Variants in STXBP6 observed in about 807,000 individuals in gnomAD.
The protein encoded by STXBP6 is syntaxin binding protein 6, also known as syntaxin-binding protein 6.
Under a neutral mutation model 26.9 loss-of-function variants are expected in STXBP6, and 21 were observed. The ratio of observed to expected loss-of-function variants is 0.78; its 90% CI spans 0.55 to 1.12. STXBP6 has a LOEUF of 1.12. Among genes scored for constraint, STXBP6 ranks in the 50% most tolerant of loss-of-function variants. The pLI is 0.00. For missense variants in STXBP6, 232 were observed against 257.9 expected (o/e 0.90, Z 0.69); for synonymous variants, 97 against 92.6 (o/e 1.05, Z -0.27).
intron 4 of STXBP6, among the ~76,000 whole-genome samples, chr14:24,854,592 T>C (rs1366537508): frequency 6.6e-6 from 1 of 152,094 alleles, no homozygotes; most frequent in Non-Finnish European, 1.5e-5. Flanking sequence ...TAATGAAGAA[T>C]GAGGGAAACC....
chr14:25,046,744 G>C (rs1189208362), intron 1 of STXBP6, among the ~76,000 whole-genome samples: 1 of 152,210 alleles, frequency 6.6e-6, no homozygotes, highest in Non-Finnish European at 1.5e-5. Context: ...GGAAGTCATG[G>C]TGAGCTCACA....
At position 24,945,166 on chromosome 14, in the gene STXBP6, T is replaced by TTTTTTTTAA. The variant is rs1491578209; in HGVS notation, c.154+29498_154+29499insTTAAAAAAA. The stretch of plus-strand genomic sequence containing the variant: ...TTTTTTTTTTTTTTTTTTTTTTTTT[T>TTTTTTTTAA]AGCAGATTCCTGACTCCCACTTTCA... On this transcript the variant is annotated intron_variant, in intron 2 of 5. Transcript: ENST00000323944. Among the ~76,000 whole-genome samples, 3 of 143,782 alleles carry TTTTTTTTAA rather than the reference T, an allele frequency of 2.1e-5. 1 individual carries two copies. Among genetic ancestry groups the TTTTTTTTAA allele is most frequent in the Admixed American group, 1.4e-4 (2 of 14,374 alleles). 94.3% of individuals were successfully genotyped at this position (143,782 alleles called of 152,430 possible).
intron 1 of STXBP6, among the ~76,000 whole-genome samples, chr14:24,999,220 A>G (rs1057119758): frequency 1.3e-5 from 2 of 152,134 alleles, no homozygotes; most frequent in African/African-American, 2.4e-5. Context: ...TAATACCCCA[A>G]AAAACCACCC....
intron 4 of STXBP6, among the ~76,000 whole-genome samples, chr14:24,840,793 C>T (rs2139017572): frequency 6.6e-6 from 1 of 151,380 alleles, no homozygotes; most frequent in Admixed American, 6.6e-5. Context: ...GGTGACTATC[C>T]TTTATATTCT....
intron 2 of STXBP6, among the ~76,000 whole-genome samples, chr14:24,936,415 A>G (rs11621849): frequency 0.039 from 6,002 of 152,324 alleles, 190 homozygotes; most frequent in Non-Finnish European, 0.063. Flanking sequence ...GTTTGAAGAA[A>G]GGAGGAGAAA....
chr14:25,039,686 C>T (rs1467285576), intron 1 of STXBP6, among the ~76,000 whole-genome samples: 2 of 151,950 alleles, frequency 1.3e-5, no homozygotes, highest in Admixed American at 1.3e-4. Context: ...CACCCCAGAC[C>T]CAGTGAATCA....
chr14:24,991,906 C>A (rs755645160), intron 1 of STXBP6, among the ~76,000 whole-genome samples: 23 of 152,180 alleles, frequency 1.5e-4, no homozygotes, highest in Non-Finnish European at 2.6e-4. Flanking sequence ...TTGCATGTGG[C>A]AATATGGAAC....
chr14:24,836,327 T>C lies in STXBP6; in HGVS notation c.452-17133A>G, dbSNP rs190749040. Among the ~76,000 whole-genome samples the C allele has an allele frequency of 2.6e-5, 4 of 152,324 alleles. No homozygotes were observed. In the East Asian group the frequency reaches 7.7e-4, roughly 29 times the overall value. On this transcript the variant is annotated intron_variant, in intron 4 of 5. Transcript: ENST00000323944. Reference sequence around the variant, plus strand: ...GAAGTGAAAATCAGACTGTGCGTGATGGCTCACAACTGTAATCCCAGCACT... The same window carrying C: ...GAAGTGAAAATCAGACTGTGCGTGACGGCTCACAACTGTAATCCCAGCACT...
At chr14:24,931,681 A>G (rs2072415281) in intron 2 of STXBP6, among the ~76,000 whole-genome samples, 1 of 152,120 alleles carries the variant, frequency 6.6e-6, no homozygotes. Flanking sequence ...TAAGAATGAG[A>G]AGGGTAAGTC....
At chr14:24,927,862 ACT>A (rs1313277747) in intron 2 of STXBP6, among the ~76,000 whole-genome samples, 7 of 151,754 alleles carry the variant, frequency 4.6e-5, no homozygotes, top group Non-Finnish European at 8.8e-5. Context: ...TTTAATAAAA[ACT>A]CTTTTTTTTT....
chr14:24,933,107 A>G (rs774643595), intron 2 of STXBP6, among the ~76,000 whole-genome samples: 36 of 152,200 alleles, frequency 2.4e-4, no homozygotes, highest in Non-Finnish European at 4.4e-4. Context: ...TGTGGAGGCC[A>G]AGGCGGATGG....
intron 4 of STXBP6, among the ~76,000 whole-genome samples, chr14:24,827,330 TTAG>T (rs1383880227): frequency 6.6e-6 from 1 of 152,242 alleles, no homozygotes; most frequent in Middle Eastern, 3.2e-3. Flanking sequence ...CTCTGTATCA[TTAG>T]TAATAACTGA....
chr14:25,029,223 T>TA (rs1423151220), intron 1 of STXBP6, among the ~76,000 whole-genome samples: 1 of 152,132 alleles, frequency 6.6e-6, no homozygotes, highest in Non-Finnish European at 1.5e-5. Context: ...AGGGAAATCT[T>TA]ACACGGAAGG....
At chr14:24,899,158 C>T (rs1595070480) in intron 2 of STXBP6, among the ~76,000 whole-genome samples, 4 of 152,086 alleles carry the variant, frequency 2.6e-5, no homozygotes, top group Admixed American at 6.5e-5. Context: ...GAATGGTGGA[C>T]GAAACCAATA....
At chr14:24,848,741 CA>C (rs1201996268) in intron 4 of STXBP6, among the ~76,000 whole-genome samples, 1 of 152,064 alleles carries the variant, frequency 6.6e-6, no homozygotes, top group East Asian at 1.9e-4. Flanking sequence ...TCATTTATAT[CA>C]CACACAGAAT....
chr14:24,863,650 A>C (rs2069621193), intron 2 of STXBP6, among the ~76,000 whole-genome samples: 2 of 152,150 alleles, frequency 1.3e-5, no homozygotes, highest in Non-Finnish European at 1.5e-5. Flanking sequence ...CTTTTCCTGC[A>C]ATCCTTATTC....
In STXBP6 at chr14:24,857,133, G is replaced by A. The variant is rs773781064; in HGVS notation, c.179C>T (p.Ala60Val). ...LSVTNKKPTQ[A>V]SITKVKQFEG... The stretch of plus-strand genomic sequence containing the variant: ...AAACTGTTTGACCTTTGTGATGGAC[G>A]CCTGTGTGGGTTTCTTGTTTGTCAC... The change falls in exon 3 of 6, where the codon GCG becomes GTG. Residue 60 changes from alanine to valine, a missense_variant. Ala to Val is a moderately conservative substitution (Grantham distance 64, BLOSUM62 0). Coordinates refer to ENST00000323944, the MANE Select transcript of STXBP6 (RefSeq NM_001394410.1). 12 of 1,612,816 alleles carry A rather than the reference G, an allele frequency of 7.4e-6. No homozygotes were observed. Among genetic ancestry groups the A allele is most frequent in the South Asian group, 1.1e-5 (1 of 91,058 alleles).
At chr14:25,014,641 C>A (rs1286901699) in intron 1 of STXBP6, among the ~76,000 whole-genome samples, 1 of 152,150 alleles carries the variant, frequency 6.6e-6, no homozygotes, top group African/African-American at 2.4e-5. Flanking sequence ...AGGCTATCAG[C>A]CAAAGATTTG....
chr14:24,957,606 C>A (rs180723332), intron 2 of STXBP6, among the ~76,000 whole-genome samples: 22 of 152,340 alleles, frequency 1.4e-4, no homozygotes, highest in African/African-American at 4.6e-4. Context: ...ACGGAACTAC[C>A]ATTTACTAAG....
Sources: allele counts gnomAD v4.1 joint callset (sites outside exome capture counted in the v4.1 genomes callset), GRCh38; gene constraint gnomAD v4.1.1; transcripts MANE v1.5; gene names NCBI Gene and HGNC (gene_info 2026-07-23, HGNC 2026-07-21).